Variants in ELAPOR2 observed in about 807,000 individuals in gnomAD.
ELAPOR2 encodes the protein endosome/lysosome-associated apoptosis and autophagy regulator family member 2.
A neutral mutation model predicts 120.7 loss-of-function variants in ELAPOR2; 89 were observed. That is an observed-to-expected ratio of 0.74 (90% confidence interval 0.62 to 0.88). ELAPOR2 has a LOEUF of 0.88. ELAPOR2 is among the 40% of genes least tolerant of loss of function. ELAPOR2 has a pLI of 0.00. For missense variants in ELAPOR2, 1,134 were observed against 1,251.6 expected (o/e 0.91, Z 1.42); for synonymous variants, 444 against 444.9 (o/e 1.00, Z 0.03).
intron 2 of ELAPOR2, among the ~76,000 whole-genome samples, chr7:86,950,954 T>C (rs1310467392): frequency 6.6e-6 from 1 of 152,204 alleles, no homozygotes; most frequent in Non-Finnish European, 1.5e-5. Context: ...CCAGCACAAC[T>C]AACAGAAAAA....
chr7:87,031,306 C>T (rs1794417401), intron 1 of ELAPOR2, among the ~76,000 whole-genome samples: 1 of 152,178 alleles, frequency 6.6e-6, no homozygotes, highest in African/African-American at 2.4e-5. Context: ...GTTCATCCAA[C>T]TGAACACACA....
At chr7:86,942,169 C>T (rs947987885) in intron 4 of ELAPOR2, 65 bp from the exon 5 acceptor site, 2 of 916,250 alleles carry the variant, frequency 2.2e-6, no homozygotes, top group Admixed American at 2.1e-5. Context: ...AAATTCTGTA[C>T]CCAGCACAGA....
At chr7:87,030,586 A>G (rs1052409228) in intron 1 of ELAPOR2, among the ~76,000 whole-genome samples, 1 of 152,334 alleles carries the variant, frequency 6.6e-6, no homozygotes, top group Non-Finnish European at 1.5e-5. Context: ...TTCTCCATAC[A>G]TTATGAACTA....
At position 86,926,735 on chromosome 7, in the gene ELAPOR2, C is replaced by A; in HGVS notation, c.1270+1G>T. On this transcript the variant is annotated splice_donor_variant, in intron 9 of 21. Transcript: ENST00000450689. LOFTEE classifies it high-confidence loss of function. The stretch of plus-strand genomic sequence containing the variant: ...AGTTATTGGACCAATTGACATCCTA[C>A]CTTTGGTTCCATCTGAAAATGTTCC... 1 of 1,605,312 alleles carries A rather than the reference C, an allele frequency of 6.2e-7. No individual in the cohort carries two copies. The highest frequency in any genetic ancestry group is 2.2e-5 in the East Asian group (1 of 44,574).
intron 1 of ELAPOR2, among the ~76,000 whole-genome samples, chr7:87,025,134 G>A (rs972683373): frequency 2.0e-5 from 3 of 152,028 alleles, no homozygotes; most frequent in Non-Finnish European, 4.4e-5. Context: ...GGAATACTAA[G>A]TATTTCATGC....
chr7:86,926,587 AAAT>A (rs1452560684), intron 9 of ELAPOR2, 146 bp downstream of exon 9: 1 of 683,320 alleles, frequency 1.5e-6, no homozygotes, highest in African/African-American at 1.8e-5. Context: ...TCTGCAACTA[AAAT>A]ATTACAGTTG....
intron 4 of ELAPOR2, among the ~76,000 whole-genome samples, chr7:86,944,531 TA>T (rs1387417844): frequency 6.6e-6 from 1 of 152,176 alleles, no homozygotes; most frequent in East Asian, 1.9e-4. Flanking sequence ...AAAATTGGTT[TA>T]AAAAACACAG....
Position 86,940,003 on chromosome 7 carries a change from GAAATA to G in ELAPOR2, c.847+2_847+6del. On this transcript the variant is annotated splice_donor_variant and splice_donor_5th_base_variant and intron_variant, in intron 6 of 21. Coordinates refer to ENST00000450689, the MANE Select transcript of ELAPOR2 (RefSeq NM_001142749.3). LOFTEE classifies it high-confidence loss of function. ...GGTGACTACTAAAACAGAATGCCAT[GAAATA>G]CCTTCAATTGTGATATTTTTTACCA... The G allele has an allele frequency of 2.5e-6, 4 of 1,569,522 alleles. No homozygotes were observed. The highest frequency in any genetic ancestry group is 3.5e-6 in the Non-Finnish European group (4 of 1,144,128).
intron 10 of ELAPOR2, 37 bp downstream of exon 10, chr7:86,925,491 T>C: frequency 6.2e-7 from 1 of 1,605,278 alleles, no homozygotes; most frequent in Non-Finnish European, 8.5e-7. Context: ...ATGTCTCTAT[T>C]GCTGAAATAC....
At chr7:86,893,576 C>A (rs1264603633) in intron 19 of ELAPOR2, among the ~76,000 whole-genome samples, 1 of 151,870 alleles carries the variant, frequency 6.6e-6, no homozygotes, top group Non-Finnish European at 1.5e-5. Flanking sequence ...AGCCTGTCCT[C>A]CGAATGGAAG....
At chr7:87,024,940 T>C (rs2116712459) in intron 1 of ELAPOR2, among the ~76,000 whole-genome samples, 1 of 150,326 alleles carries the variant, frequency 6.7e-6, no homozygotes, top group African/African-American at 2.4e-5. Context: ...AAAGCAAGTA[T>C]CACCCATGCC....
At chr7:86,963,994 A>G (rs753795072) in intron 2 of ELAPOR2, among the ~76,000 whole-genome samples, 1 of 152,200 alleles carries the variant, frequency 6.6e-6, no homozygotes, top group Non-Finnish European at 1.5e-5. Flanking sequence ...TTTTATCAGT[A>G]AATCCACCAA....
chr7:86,908,570 T>A, intron 16 of ELAPOR2, 27 bp from the exon 17 acceptor site: 1 of 1,048,292 alleles, frequency 9.5e-7, no homozygotes, highest in Non-Finnish European at 1.4e-6. Context: ...AAGAAACTAT[T>A]AAGCAATATG....
At position 87,038,889 on chromosome 7, in the gene ELAPOR2, C is replaced by G. The variant is rs1333833177; in HGVS notation, c.189+20436G>C. 4.6e-5 allele frequency among the ~76,000 whole-genome samples: 7 copies of G among 151,560 alleles called. 1 individual carries two copies. The highest frequency in any genetic ancestry group is 4.6e-4 in the Admixed American group (7 of 15,220). On this transcript the variant is annotated intron_variant, in intron 1 of 21. Coordinates refer to ENST00000450689, the MANE Select transcript of ELAPOR2 (RefSeq NM_001142749.3). ...GATGTATCTTAATGAACCAGAAAAG[C>G]AAGAGCAAACCAAACCCAAAATTAA... is the stretch of plus-strand genomic sequence containing the variant.
intron 18 of ELAPOR2, 57 bp from the exon 19 acceptor site, chr7:86,897,689 T>A: frequency 6.3e-7 from 1 of 1,597,134 alleles, no homozygotes; most frequent in Non-Finnish European, 8.6e-7. Context: ...ACCCATTCAA[T>A]CCACTCTAAT....
At chr7:86,903,313 C>G (rs1013827318) in intron 18 of ELAPOR2, among the ~76,000 whole-genome samples, 3 of 152,136 alleles carry the variant, frequency 2.0e-5, no homozygotes, top group Non-Finnish European at 4.4e-5. Context: ...TTCACTTATG[C>G]TCATAATGCA....
chr7:87,011,647 G>C (rs1389313825), intron 1 of ELAPOR2, among the ~76,000 whole-genome samples: 1 of 152,136 alleles, frequency 6.6e-6, no homozygotes, highest in Non-Finnish European at 1.5e-5. Context: ...TGGTGTCTTG[G>C]GAGCTTTCAC....
chr7:86,903,299 T>A (rs2115973509), intron 18 of ELAPOR2, among the ~76,000 whole-genome samples: 1 of 152,356 alleles, frequency 6.6e-6, no homozygotes, highest in East Asian at 1.9e-4. Flanking sequence ...GGATTTTAGC[T>A]GTTTTCACTT....
At chr7:86,885,458 C>T (rs1406469865) in intron 21 of ELAPOR2, among the ~76,000 whole-genome samples, 2 of 152,150 alleles carry the variant, frequency 1.3e-5, no homozygotes, top group Non-Finnish European at 2.9e-5. Context: ...ATGCAAACAT[C>T]TTGTCTACTG....
Sources: allele counts gnomAD v4.1 joint callset (sites outside exome capture counted in the v4.1 genomes callset), GRCh38; gene constraint gnomAD v4.1.1; transcripts MANE v1.5; gene names NCBI Gene and HGNC (gene_info 2026-07-23, HGNC 2026-07-21).